The following RBFOX1 variants were observed in gnomAD, a reference collection of about 807,000 sequenced individuals.
RBFOX1 encodes the protein RNA binding fox-1 homolog 1, also known as RNA binding protein fox-1 homolog 1.
A neutral mutation model predicts 57.7 loss-of-function variants in RBFOX1; 8 were observed. That is an observed-to-expected ratio of 0.14 (90% CI 0.08 to 0.25). The LOEUF is 0.25. Ranked by LOEUF, RBFOX1 falls within the 10% of genes least tolerant of loss-of-function variation. The pLI, the probability that RBFOX1 is intolerant of heterozygous loss-of-function variation, is 1.00. For synonymous variants in RBFOX1, 326 were observed against 222.4 expected, an observed-to-expected ratio of 1.47 and a Z score of -4.15; for missense variants, 611 against 548.5, an observed-to-expected ratio of 1.11 and a Z score of -1.14.
chr16:7,185,855 G>T (rs1359085551), intron 4 of RBFOX1, among the ~76,000 whole-genome samples: 1 of 152,100 alleles, frequency 6.6e-6, no homozygotes. Flanking sequence ...GGATTCCATG[G>T]CATTTTATCC....
At chr16:7,129,388 A>G (rs2151945761) in intron 4 of RBFOX1, among the ~76,000 whole-genome samples, 1 of 152,268 alleles carries the variant, frequency 6.6e-6, no homozygotes, top group South Asian at 2.1e-4. Flanking sequence ...TGGAAGTGGC[A>G]TAGGAACAGT....
intron 4 of RBFOX1, among the ~76,000 whole-genome samples, chr16:7,394,506 T>C (rs2098108975): frequency 6.6e-6 from 1 of 152,082 alleles, no homozygotes; most frequent in Non-Finnish European, 1.5e-5. Flanking sequence ...CCCACACCTT[T>C]AGATGCATAG....
chr16:6,011,639 A>G (rs1030838941), intron 4 of RBFOX1, among the ~76,000 whole-genome samples: 4 of 152,150 alleles, frequency 2.6e-5, no homozygotes, highest in Non-Finnish European at 4.4e-5. Context: ...ACTCTTCTGC[A>G]CAAGTCCTAA....
intron 1 of RBFOX1, among the ~76,000 whole-genome samples, chr16:5,243,494 C>T (rs957461823): frequency 4.6e-5 from 7 of 152,068 alleles, no homozygotes; most frequent in African/African-American, 1.7e-4. Flanking sequence ...TGAGACCATT[C>T]GTGGTGCTGG....
intron 2 of RBFOX1, among the ~76,000 whole-genome samples, chr16:6,443,894 T>C (rs1297887501): frequency 2.6e-5 from 4 of 152,130 alleles, no homozygotes; most frequent in Non-Finnish European, 5.9e-5. Flanking sequence ...ACTCATTCAA[T>C]TAACATTTAT....
chr16:6,487,703 AT>A (rs2095532910), intron 2 of RBFOX1, among the ~76,000 whole-genome samples: 20 of 4,764 alleles, frequency 4.2e-3, no homozygotes, highest in South Asian at 0.01. Context: ...AAAAAAAAAT[AT>A]ATATATATAT....
At chr16:5,443,463 G>C (rs558825828) in intron 1 of RBFOX1, among the ~76,000 whole-genome samples, 1 of 152,280 alleles carries the variant, frequency 6.6e-6, no homozygotes, top group African/African-American at 2.4e-5. Context: ...TCAGCCTTCT[G>C]AGTAGCTGGG....
chr16:5,401,602 T>C (rs1354496628), intron 1 of RBFOX1, among the ~76,000 whole-genome samples: 4 of 152,238 alleles, frequency 2.6e-5, no homozygotes, highest in African/African-American at 7.2e-5. Flanking sequence ...AAATATTAAT[T>C]GGGACTGGCA....
intron 2 of RBFOX1, among the ~76,000 whole-genome samples, chr16:6,521,809 G>C (rs937957901): frequency 6.6e-6 from 1 of 152,100 alleles, no homozygotes. Context: ...AAGCTAAATA[G>C]TGAGGAATCC....
At chr16:5,716,588 C>T (rs1401759839) in intron 3 of RBFOX1, among the ~76,000 whole-genome samples, 3 of 152,318 alleles carry the variant, frequency 2.0e-5, no homozygotes, top group East Asian at 1.9e-4. Flanking sequence ...GAAAAAGGAA[C>T]GCTTATATGC....
At chr16:6,210,111 A>T (rs953039842) in intron 1 of RBFOX1, among the ~76,000 whole-genome samples, 1 of 151,978 alleles carries the variant, frequency 6.6e-6, no homozygotes, top group Non-Finnish European at 1.5e-5. Flanking sequence ...TGAGGTCAGG[A>T]GTTCGAGACC....
intron 4 of RBFOX1, among the ~76,000 whole-genome samples, chr16:7,347,775 C>A (rs1013556846): frequency 2.6e-5 from 4 of 152,168 alleles, no homozygotes; most frequent in African/African-American, 9.6e-5. Context: ...ATGCCCGAGA[C>A]CCCCATGTAT....
At chr16:6,011,016 C>T (rs1422078698) in intron 4 of RBFOX1, among the ~76,000 whole-genome samples, 1 of 152,208 alleles carries the variant, frequency 6.6e-6, no homozygotes, top group Non-Finnish European at 1.5e-5. Flanking sequence ...AATGCATACT[C>T]TTCTTTGTAA....
intron 2 of RBFOX1, among the ~76,000 whole-genome samples, chr16:6,408,246 C>G (rs1248716954): frequency 6.6e-6 from 1 of 152,038 alleles, no homozygotes; most frequent in Non-Finnish European, 1.5e-5. Context: ...AAGAAAAGCA[C>G]TTTATTCTAT....
intron 2 of RBFOX1, among the ~76,000 whole-genome samples, chr16:6,514,292 A>T (rs1046438267): frequency 3.3e-5 from 5 of 152,022 alleles, no homozygotes; most frequent in Non-Finnish European, 7.4e-5. Flanking sequence ...ATCTTACCAT[A>T]TTCATCTGAA....
At chr16:5,339,061 A>G (rs1356417590) in intron 1 of RBFOX1, among the ~76,000 whole-genome samples, 1 of 151,912 alleles carries the variant, frequency 6.6e-6, no homozygotes, top group African/African-American at 2.4e-5. Context: ...GGTGCATATT[A>G]TCTTATTAAC....
rs78834385 is a variant in RBFOX1 at position 7,464,383 on chromosome 16, A to G, written c.28-53764A>G. Among the ~76,000 whole-genome samples the G allele has an allele frequency of 0.018, 2,740 of 152,148 alleles. 223 individuals carry two copies. The East Asian group carries it at 0.24, about 13-fold the overall frequency. On this transcript the variant is annotated intron_variant, in intron 4 of 15. Transcript: ENST00000550418. ...AAGGAATATCGCAGAAGCTGGTAAA[A>G]CAGTCGCATCCAAGATCAAACAAGA...
chr16:6,980,623 C>G (rs1037007595), intron 3 of RBFOX1, among the ~76,000 whole-genome samples: 1 of 152,050 alleles, frequency 6.6e-6, no homozygotes, highest in African/African-American at 2.4e-5. Context: ...TGAAAAACTC[C>G]AATTATCAGA....
intron 1 of RBFOX1, among the ~76,000 whole-genome samples, chr16:5,319,102 G>C (rs8043594): frequency 0.044 from 6,738 of 152,126 alleles, 484 homozygotes; most frequent in African/African-American, 0.15. Flanking sequence ...ACTCCAGCCT[G>C]GGCAACAGAG....
Sources: gnomAD v4.1 joint callset for allele counts (sites outside exome capture counted in the v4.1 genomes callset) on GRCh38, gnomAD v4.1.1 for gene constraint, MANE v1.5 for transcripts, NCBI Gene and HGNC (gene_info 2026-07-23, HGNC 2026-07-21) for gene names.